Variants in OPN5 observed in about 807,000 individuals in gnomAD.
OPN5 encodes the protein opsin-5.
Under a neutral mutation model 41.7 loss-of-function variants are expected in OPN5, and 18 were observed. The observed-to-expected ratio is 0.43, with a 90% confidence interval of 0.30 to 0.64. OPN5 has a LOEUF of 0.64. OPN5 is among the 30% of genes least tolerant of loss of function. The probability of loss-of-function intolerance (pLI) is 0.13; values close to 1 mark genes in which losing one functional copy is unlikely to be tolerated. For missense variants in OPN5, 318 were observed against 434.5 expected, an observed-to-expected ratio of 0.73 and a Z score of 2.38; for synonymous variants, 178 against 164.3, an observed-to-expected ratio of 1.08 and a Z score of -0.64.
intron 2 of OPN5, chr6:47,786,976 T>A: frequency 1.3e-6 from 1 of 746,702 alleles, no homozygotes; most frequent in Non-Finnish European, 1.7e-6. Context: ...GTCAGTATTT[T>A]AAGCTTCTTT....
chr6:47,795,465 G>A (rs368242075), exon 4 of OPN5: 16 of 1,613,868 alleles, frequency 9.9e-6, no homozygotes, highest in Admixed American at 1.7e-5. Context: ...GTTCTCCTAC[G>A]TAAAGATCAT....
chr6:47,808,364 G>A (rs1774056988), exon 5 of OPN5: 2 of 1,614,036 alleles, frequency 1.2e-6, no homozygotes, highest in Non-Finnish European at 1.7e-6. Flanking sequence ...TGGTTTGAAA[G>A]CAACCAAGAA....
At chr6:47,798,172 G>A (rs1226935518) in intron 4 of OPN5, among the ~76,000 whole-genome samples, 4 of 151,898 alleles carry the variant, frequency 2.6e-5, no homozygotes, top group Non-Finnish European at 5.9e-5. Flanking sequence ...TTAAGAACAT[G>A]TCTATATTTT....
intron 1 of OPN5, among the ~76,000 whole-genome samples, chr6:47,786,282 G>C (rs576899268): frequency 6.6e-6 from 1 of 152,286 alleles, no homozygotes; most frequent in East Asian, 1.9e-4. Flanking sequence ...GGAAGTTAGC[G>C]ATGCCTTTTT....
chr6:47,783,863 T>C (rs1253858001), intron 1 of OPN5, among the ~76,000 whole-genome samples: 2 of 152,180 alleles, frequency 1.3e-5, no homozygotes, highest in African/African-American at 4.8e-5. Flanking sequence ...GCTCCATCAC[T>C]TTCAAGGAAT....
At chr6:47,811,535 G>C in intron 5 of OPN5, 139 bp from the exon 6 acceptor site, 1 of 431,740 alleles carries the variant, frequency 2.3e-6, no homozygotes, top group East Asian at 3.6e-5. Context: ...ATTATTTTCT[G>C]TCTGTTGCTA....
At position 47,819,348 on chromosome 6, in the gene OPN5, TATATAA is replaced by T. The variant is rs1465440689; in HGVS notation, c.1057-4633_1057-4628del. Among the ~76,000 whole-genome samples, 89 of 99,562 alleles carry T rather than the reference TATATAA, an allele frequency of 8.9e-4. 16 individuals carry two copies. In the Middle Eastern group the frequency reaches 0.015, roughly 17 times the overall value. The allele number at this position is 99,562 out of a possible 152,430, so 65.3% of individuals were successfully genotyped here. On this transcript the variant is annotated intron_variant, in intron 6 of 6. Transcript: ENST00000371211. Reference sequence around the variant, plus strand: ...TCTGAAAATTAGGAATATATATATATATATAAAAAATATATTACCGTATAAGTAGAA... The same window carrying T: ...TCTGAAAATTAGGAATATATATATATAAAATATATTACCGTATAAGTAGAA...
At chr6:47,816,975 T>C (rs1264767545) in intron 6 of OPN5, among the ~76,000 whole-genome samples, 1 of 152,162 alleles carries the variant, frequency 6.6e-6, no homozygotes, top group Non-Finnish European at 1.5e-5. Context: ...CTGGTCACCA[T>C]AGATCTGGGA....
intron 4 of OPN5, among the ~76,000 whole-genome samples, chr6:47,795,774 T>TCA (rs1194446160): frequency 2.0e-3 from 220 of 109,732 alleles, no homozygotes; most frequent in African/African-American, 5.9e-3. Flanking sequence ...TCTCTCTCTC[T>TCA]CTCTCACACA....
chr6:47,813,478 C>G (rs1445649762), intron 6 of OPN5, among the ~76,000 whole-genome samples: 1 of 152,114 alleles, frequency 6.6e-6, no homozygotes, highest in African/African-American at 2.4e-5. Context: ...TGGTGGTGGT[C>G]AGAAGTGGAG....
At chr6:47,823,069 G>A (rs1762682532) in intron 6 of OPN5, among the ~76,000 whole-genome samples, 1 of 152,178 alleles carries the variant, frequency 6.6e-6, no homozygotes, top group African/African-American at 2.4e-5. Context: ...AAAGAACATA[G>A]CTAAGAGAGT....
chr6:47,811,831 ATTATATTT>A, intron 6 of OPN5, 100 bp downstream of exon 6: 3 of 720,168 alleles, frequency 4.2e-6, no homozygotes, highest in Non-Finnish European at 6.9e-6. Context: ...TTGTCTTTAT[ATTATATTT>A]TTATATTTTG....
At chr6:47,816,630 A>G (rs999067633) in intron 6 of OPN5, among the ~76,000 whole-genome samples, 3 of 152,076 alleles carry the variant, frequency 2.0e-5, no homozygotes, top group African/African-American at 7.2e-5. Flanking sequence ...GAGACACAGC[A>G]TAGAAGTTCA....
chr6:47,805,372 T>C (rs1474347144), intron 4 of OPN5, among the ~76,000 whole-genome samples: 1 of 152,138 alleles, frequency 6.6e-6, no homozygotes, highest in Non-Finnish European at 1.5e-5. Context: ...ATTGATTTCC[T>C]GGGGATTCAG....
At chr6:47,788,043 G>T (rs1309761090) in intron 2 of OPN5, among the ~76,000 whole-genome samples, 1 of 152,178 alleles carries the variant, frequency 6.6e-6, no homozygotes, top group Non-Finnish European at 1.5e-5. Context: ...AGTTTGGATG[G>T]TCTTGGTTAT....
chr6:47,809,090 A>AT (rs1774089943), intron 5 of OPN5, among the ~76,000 whole-genome samples: 1 of 152,026 alleles, frequency 6.6e-6, no homozygotes. Context: ...ATCCAGTACC[A>AT]TTTTTCCTAA....
chr6:47,788,083 C>T (rs149185221), intron 2 of OPN5, among the ~76,000 whole-genome samples: 336 of 152,304 alleles, frequency 2.2e-3, no homozygotes, highest in African/African-American at 7.6e-3. Context: ...TATGGACCTG[C>T]ATAAACATTA....
intron 2 of OPN5, 120 bp from the exon 3 acceptor site, chr6:47,791,682 G>GGT (rs1038168045): frequency 6.9e-5 from 50 of 719,674 alleles, no homozygotes; most frequent in Admixed American, 2.0e-4. Context: ...TGTAATCAAG[G>GGT]GTGTGTGTGT....
intron 5 of OPN5, among the ~76,000 whole-genome samples, chr6:47,809,030 A>G (rs1774086943): frequency 6.6e-6 from 1 of 152,192 alleles, no homozygotes; most frequent in South Asian, 2.1e-4. Flanking sequence ...TTCAAAATGT[A>G]TCCTCCTTGG....
Sources: allele counts gnomAD v4.1 joint callset (sites outside exome capture counted in the v4.1 genomes callset), GRCh38; gene constraint gnomAD v4.1.1; transcripts MANE v1.5; gene names NCBI Gene and HGNC (gene_info 2026-07-23, HGNC 2026-07-21).